Variants in PLCG2 observed in about 807,000 individuals in gnomAD.
PLCG2 encodes the protein phospholipase C gamma 2, also known as 1-phosphatidylinositol 4,5-bisphosphate phosphodiesterase gamma-2.
In PLCG2, 69 loss-of-function variants were observed where a neutral mutation model predicts 175.6. That is an observed-to-expected ratio of 0.39 (90% CI 0.32 to 0.48). The LOEUF (loss-of-function observed/expected upper bound fraction) is 0.48. PLCG2 is among the 20% of genes least tolerant of loss of function. The pLI, the probability that PLCG2 is intolerant of heterozygous loss-of-function variation, is 0.91. For missense variants in PLCG2, 1,798 were observed against 1,650.9 expected (o/e 1.09, Z -1.54); for synonymous variants, 827 against 624.0 (o/e 1.33, Z -4.85).
At chr16:81,860,159 TA>T (rs1386724860) in intron 5 of PLCG2, among the ~76,000 whole-genome samples, 6 of 99,344 alleles carry the variant, frequency 6.0e-5, no homozygotes, top group Non-Finnish European at 1.4e-4. Context: ...TTATTATTAT[TA>T]TTATTATTAT....
At chr16:81,783,887 A>G (rs72834730) in intron 1 of PLCG2, among the ~76,000 whole-genome samples, 18,775 of 152,134 alleles carry the variant, frequency 0.12, 1,703 homozygotes, top group East Asian at 0.47. Flanking sequence ...ACTTAAAGCC[A>G]GTTCCTCCTG....
chr16:81,785,693 G>A, intron 1 of PLCG2: 1 of 275,686 alleles, frequency 3.6e-6, no homozygotes, highest in East Asian at 9.1e-5. Context: ...AGGGTGATTT[G>A]GTTATTCAAA....
At chr16:81,938,574 G>A (rs1910811358) in intron 28 of PLCG2, 1 of 556,080 alleles carries the variant, frequency 1.8e-6, no homozygotes, top group Admixed American at 3.2e-5. Context: ...TGTTGAGTCA[G>A]GTGGCATATG....
chr16:81,849,203 G>A (rs60106368), intron 2 of PLCG2, among the ~76,000 whole-genome samples: 98,561 of 151,904 alleles, frequency 0.65, 32,410 homozygotes, highest in Admixed American at 0.7. Context: ...TTTGTATTTC[G>A]TAAGGTGACT....
intron 19 of PLCG2, among the ~76,000 whole-genome samples, chr16:81,918,525 T>C (rs547267260): frequency 2.6e-5 from 4 of 152,342 alleles, no homozygotes; most frequent in Non-Finnish European, 5.9e-5. Flanking sequence ...CCTGGTGTGT[T>C]CTAGACATCT....
At chr16:81,795,113 C>A (rs954477331) in intron 2 of PLCG2, among the ~76,000 whole-genome samples, 2 of 152,194 alleles carry the variant, frequency 1.3e-5, no homozygotes, top group Non-Finnish European at 2.9e-5. Flanking sequence ...GTGCTTGTCA[C>A]TGGGGATAAA....
intron 2 of PLCG2, among the ~76,000 whole-genome samples, chr16:81,789,594 T>C (rs1265701262): frequency 6.6e-6 from 1 of 152,246 alleles, no homozygotes; most frequent in Non-Finnish European, 1.5e-5. Flanking sequence ...CGGCCTCAAT[T>C]CATTCTTTTA....
chr16:81,756,213 A>G (rs573767780), intron 2 of PLCG2, among the ~76,000 whole-genome samples: 5 of 152,352 alleles, frequency 3.3e-5, no homozygotes, highest in African/African-American at 9.6e-5. Flanking sequence ...TGGATGGGCC[A>G]CATTTCCCCT....
chr16:81,912,822 C>T lies in PLCG2; in HGVS notation c.2054+106C>T, dbSNP rs1326049554. Reference sequence around the variant, plus strand: ...GTGGAGGCTCACCTGCAGTGCCCTGCCCCCCCAGCATCAGCGACAACAACA... The same window carrying T: ...GTGGAGGCTCACCTGCAGTGCCCTGTCCCCCCAGCATCAGCGACAACAACA... On this transcript the variant is annotated intron_variant, in intron 19 of 32. Coordinates refer to ENST00000564138, the MANE Select transcript of PLCG2 (RefSeq NM_002661.5). 4.6e-6 allele frequency: 6 copies of T among 1,302,178 alleles called. No individual in the cohort carries two copies. The South Asian group carries it at 7.9e-5, about 17-fold the overall frequency. 80.7% of individuals were successfully genotyped at this position (1,302,178 alleles called of 1,614,324 possible).
At chr16:81,879,717 G>C (rs76883178) in intron 7 of PLCG2, among the ~76,000 whole-genome samples, 7,242 of 152,272 alleles carry the variant, frequency 0.048, 240 homozygotes, top group Non-Finnish European at 0.073. Context: ...GTTGAAGCAA[G>C]GCTACCTGGG....
chr16:81,835,852 G>A (rs368192868), intron 2 of PLCG2, among the ~76,000 whole-genome samples: 25 of 152,072 alleles, frequency 1.6e-4, no homozygotes, highest in African/African-American at 6.0e-4. Context: ...GACCCTGGGT[G>A]TCCCTTGGCT....
intron 1 of PLCG2, among the ~76,000 whole-genome samples, chr16:81,742,000 T>A (rs1909604656): frequency 6.6e-6 from 1 of 152,110 alleles, no homozygotes; most frequent in Admixed American, 6.5e-5. Flanking sequence ...AGCTGAAATT[T>A]GTGTGCATTC....
At chr16:81,873,534 T>C (rs1201467482) in intron 7 of PLCG2, among the ~76,000 whole-genome samples, 1 of 152,058 alleles carries the variant, frequency 6.6e-6, no homozygotes, top group Non-Finnish European at 1.5e-5. Context: ...TTACTCAAGA[T>C]AAGTAGTTGC....
At chr16:81,803,107 A>G (rs1344444659) in intron 2 of PLCG2, among the ~76,000 whole-genome samples, 4 of 137,022 alleles carry the variant, frequency 2.9e-5, no homozygotes, top group African/African-American at 1.1e-4. Flanking sequence ...GGCTTTTTGC[A>G]TTTCACTTTT....
intron 4 of PLCG2, among the ~76,000 whole-genome samples, chr16:81,858,580 TGAGTGGTGCA>T: frequency 6.6e-6 from 1 of 152,066 alleles, no homozygotes; most frequent in Middle Eastern, 3.4e-3. Flanking sequence ...CCTATTGGAG[TGAGTGGTGCA>T]TTGGACTCGA....
At chr16:81,812,362 C>A (rs1904357576) in intron 2 of PLCG2, among the ~76,000 whole-genome samples, 1 of 152,112 alleles carries the variant, frequency 6.6e-6, no homozygotes, top group African/African-American at 2.4e-5. Context: ...TGTTTACTGA[C>A]TTTTTAATGA....
chr16:81,775,879 C>G (rs544924355), upstream of PLCG2, among the ~76,000 whole-genome samples: 2 of 152,034 alleles, frequency 1.3e-5, no homozygotes, highest in Admixed American at 6.6e-5. Context: ...AAACTCACAT[C>G]TCCCTGCCTG....
chr16:81,824,574 C>T (rs1353376797), intron 2 of PLCG2, among the ~76,000 whole-genome samples: 1 of 152,232 alleles, frequency 6.6e-6, no homozygotes. Flanking sequence ...CAGGCCTTCT[C>T]ACCATGTTCC....
At chr16:81,840,933 A>T (rs1905790971) in intron 2 of PLCG2, among the ~76,000 whole-genome samples, 1 of 152,060 alleles carries the variant, frequency 6.6e-6, no homozygotes, top group Non-Finnish European at 1.5e-5. Context: ...TCCCTTGGGG[A>T]TGGGGAGTCC....
Sources: gnomAD v4.1 joint callset for allele counts (sites outside exome capture counted in the v4.1 genomes callset) on GRCh38, gnomAD v4.1.1 for gene constraint, MANE v1.5 for transcripts, NCBI Gene and HGNC (gene_info 2026-07-23, HGNC 2026-07-21) for gene names.